CDH1: variants seen among roughly 807,000 people sequenced by gnomAD.
The protein encoded by CDH1 is cadherin-1.
Under a neutral mutation model 84.5 loss-of-function variants are expected in CDH1, and 35 were observed. That is an observed-to-expected ratio of 0.41 (90% CI 0.32 to 0.55). The LOEUF (loss-of-function observed/expected upper bound fraction) is 0.55, where lower values mean the gene tolerates loss of function less well. Ranked by LOEUF, CDH1 falls within the 20% of genes least tolerant of loss-of-function variation. CDH1 has a pLI of 0.19. For missense variants in CDH1, 994 were observed against 1,126.6 expected (o/e 0.88, Z 1.68); for synonymous variants, 417 against 439.0 (o/e 0.95, Z 0.63).
At chr16:68,821,975 C>T (rs373210692) in intron 11 of CDH1, 26 bp from the exon 12 acceptor site, 1 of 1,585,232 alleles carries the variant, frequency 6.3e-7, no homozygotes, top group Non-Finnish European at 8.7e-7. Context: ...GCCAAGCTGC[C>T]ACATTTTCTG....
At chr16:68,784,971 A>G (rs1960002836) in intron 2 of CDH1, among the ~76,000 whole-genome samples, 1 of 152,082 alleles carries the variant, frequency 6.6e-6, no homozygotes, top group South Asian at 2.1e-4. Flanking sequence ...GATTGCAAGA[A>G]GGGATTATTT....
At chr16:68,793,618 G>A (rs767644459) in intron 2 of CDH1, among the ~76,000 whole-genome samples, 2 of 152,184 alleles carry the variant, frequency 1.3e-5, no homozygotes, top group Admixed American at 6.6e-5. Flanking sequence ...CTGGCCAGGC[G>A]CAGTGGCTCA....
chr16:68,829,948 T>C (rs1472765713), intron 15 of CDH1, 151 bp downstream of exon 15: 1 of 682,942 alleles, frequency 1.5e-6, no homozygotes, highest in South Asian at 2.0e-5. Context: ...TTTTTCTTTT[T>C]TTTTCTTTTT....
chr16:68,761,222 C>T (rs2044660842), intron 2 of CDH1, among the ~76,000 whole-genome samples: 2 of 152,212 alleles, frequency 1.3e-5, no homozygotes. Context: ...CTTGGAGAAC[C>T]CGGACAGCAG....
chr16:68,794,910 T>G (rs1024511884), intron 2 of CDH1, among the ~76,000 whole-genome samples: 2 of 151,564 alleles, frequency 1.3e-5, no homozygotes, highest in Non-Finnish European at 2.9e-5. Flanking sequence ...GCCAGGATGG[T>G]CTCGATCTCC....
intron 2 of CDH1, among the ~76,000 whole-genome samples, chr16:68,739,202 C>G (rs1962493002): frequency 6.6e-6 from 1 of 151,920 alleles, no homozygotes; most frequent in Non-Finnish European, 1.5e-5. Flanking sequence ...ATCACAAGGT[C>G]AGGAGTTCGA....
chr16:68,830,118 C>T (rs1961447966), intron 15 of CDH1, among the ~76,000 whole-genome samples: 1 of 151,910 alleles, frequency 6.6e-6, no homozygotes, highest in Non-Finnish European at 1.5e-5. Flanking sequence ...CCACACTCAG[C>T]TAATTTTGTA....
intron 2 of CDH1, among the ~76,000 whole-genome samples, chr16:68,770,440 G>A (rs1209109974): frequency 6.6e-6 from 1 of 152,140 alleles, no homozygotes; most frequent in Non-Finnish European, 1.5e-5. Context: ...GAATGACTCT[G>A]CCTCTGCCTT....
intron 10 of CDH1, among the ~76,000 whole-genome samples, chr16:68,816,153 G>A (rs542854855): frequency 3.9e-5 from 6 of 152,278 alleles, no homozygotes; most frequent in African/African-American, 1.4e-4. Flanking sequence ...ATGTAGCCAG[G>A]ATTACAGGTG....
rs761269950 is a variant in CDH1, at chr16:68,811,687, C to A, written c.836C>A (p.Thr279Asn). 4.3e-6 allele frequency: 7 copies of A among 1,613,992 alleles called. No homozygotes were observed. Among genetic ancestry groups the A allele is most frequent in the Non-Finnish European group, 5.9e-6 (7 of 1,179,952 alleles). ...TCATCTCCTTGAACTCTTCCAGGAACCTCTGTGATGGAGGTCACAGCCACA... is the reference window on the plus strand; with the variant it reads ...TCATCTCCTTGAACTCTTCCAGGAAACTCTGTGATGGAGGTCACAGCCACA... Reference protein sequence around the residue: ...GSVMEGALPGTSVMEVTATDA... With the variant: ...GSVMEGALPGNSVMEVTATDA... The change falls in exon 7 of 16, where the codon ACC (threonine) becomes AAC (asparagine). Residue 279 changes from threonine (T) to asparagine (N), a missense_variant. Coordinates refer to ENST00000261769, the MANE Select transcript of CDH1 (RefSeq NM_004360.5).
chr16:68,831,069 C>CT (rs1157074539), intron 15 of CDH1, among the ~76,000 whole-genome samples: 1,396 of 80,332 alleles, frequency 0.017, 182 homozygotes, highest in Non-Finnish European at 0.022. Flanking sequence ...CTTTAGCTTT[C>CT]TTTTTTTTTT....
At position 68,779,956 on chromosome 16, in the gene CDH1, C is replaced by A. The variant is rs114623057; in HGVS notation, c.164-21714C>A. On this transcript the variant is annotated intron_variant, in intron 2 of 15. Transcript: ENST00000261769. ...GAAACCCTCTCATCTGCAGATAACT[C>A]CAAGACACTCCTTACTTCTCCCAGA... is the stretch of plus-strand genomic sequence containing the variant. Among the ~76,000 whole-genome samples the A allele has an allele frequency of 9.5e-3, 1,444 of 152,244 alleles. 27 individuals are homozygous for A. Among genetic ancestry groups the A allele is most frequent in the African/African-American group, 0.033 (1,360 of 41,534 alleles).
intron 2 of CDH1, among the ~76,000 whole-genome samples, chr16:68,767,307 G>A (rs1012136018): frequency 2.6e-5 from 4 of 151,594 alleles, no homozygotes; most frequent in Non-Finnish European, 4.4e-5. Context: ...CACTTCTCCC[G>A]CCTCAGCCTC....
chr16:68,745,603 G>GTATGTATATATATATA (rs1962714766), intron 2 of CDH1, among the ~76,000 whole-genome samples: 1 of 127,908 alleles, frequency 7.8e-6, no homozygotes, highest in South Asian at 2.2e-4. Context: ...GTATATATAT[G>GTATGTATATATATATA]TATGTGTATA....
At chr16:68,752,237 C>T (rs1209168951) in intron 2 of CDH1, among the ~76,000 whole-genome samples, 1 of 152,214 alleles carries the variant, frequency 6.6e-6, no homozygotes, top group Non-Finnish European at 1.5e-5. Context: ...CAGGCGTGAG[C>T]CACCACACCC....
chr16:68,779,106 T>C (rs1959806982), intron 2 of CDH1, among the ~76,000 whole-genome samples: 1 of 152,212 alleles, frequency 6.6e-6, no homozygotes, highest in Admixed American at 6.5e-5. Flanking sequence ...CCTGTGCTGC[T>C]GAAATCCCTG....
At position 68,822,158 on chromosome 16, in the gene CDH1, A is replaced by G. The variant is rs786201138; in HGVS notation, c.1869A>G (p.Thr623=). Residue 623 remains threonine, a synonymous_variant, in exon 12 of 16, where the codon ACA becomes ACG. Coordinates refer to ENST00000261769, the MANE Select transcript of CDH1 (RefSeq NM_004360.5). ...TTGATGCAGACCTTCCTCCCAATAC[A>G]TCTCCCTTCACAGCAGAACTAACAC... The part of the protein sequence containing the change: ...NIIDADLPPN[T]SPFTAELTHG... The G allele has an allele frequency of 1.2e-6, 2 of 1,614,008 alleles. No homozygotes were observed. The highest frequency in any genetic ancestry group is 1.7e-6 in the Non-Finnish European group (2 of 1,179,982).
At position 68,833,338 on chromosome 16, in the gene CDH1, C is replaced by G. The variant is rs1961535052; in HGVS notation, c.2488C>G (p.Leu830Val). The change falls in exon 16 of 16, where the codon CTG (leucine) becomes GTG (valine). Residue 830 changes from leucine (L) to valine (V), a missense_variant. Physicochemically the swap from Leu to Val is conservative, Grantham distance 32. Coordinates refer to ENST00000261769, the MANE Select transcript of CDH1 (RefSeq NM_004360.5). ...CCCCACAGCCCCGCCTTATGATTCT[C>G]TGCTCGTGTTTGACTATGAAGGAAG... is the stretch of plus-strand genomic sequence containing the variant. The part of the protein sequence containing the change: ...TDPTAPPYDS[L>V]LVFDYEGSGS... 1 of 1,614,096 alleles carries G rather than the reference C, an allele frequency of 6.2e-7. No homozygotes were observed. The highest frequency in any genetic ancestry group is 1.7e-5 in the Admixed American group (1 of 60,002).
chr16:68,743,359 C>CTTTTCTTTTCTTTTCT (rs373698881), intron 2 of CDH1, among the ~76,000 whole-genome samples: 2 of 55,570 alleles, frequency 3.6e-5, no homozygotes, highest in African/African-American at 1.5e-4. Flanking sequence ...TTCTTTCTTT[C>CTTTTCTTTTCTTTTCT]TTTCTTTTCT....
Sources: allele counts gnomAD v4.1 joint callset (sites outside exome capture counted in the v4.1 genomes callset), GRCh38; gene constraint gnomAD v4.1.1; transcripts MANE v1.5; gene names NCBI Gene and HGNC (gene_info 2026-07-23, HGNC 2026-07-21).